Variants in ZNF273 observed in about 807,000 individuals in gnomAD.
ZNF273 encodes zinc finger protein 273, also known as zinc finger protein 9.
A neutral mutation model predicts 14.9 loss-of-function variants in ZNF273; 11 were observed. The ratio of observed to expected loss-of-function variants is 0.74; its 90% confidence interval spans 0.46 to 1.22. The LOEUF (loss-of-function observed/expected upper bound fraction) is 1.22. Ranked by LOEUF, ZNF273 falls within the 50% of genes most tolerant of loss-of-function variation. ZNF273 has a pLI of 0.00. For synonymous variants in ZNF273, 199 were observed against 223.9 expected (o/e 0.89, Z 0.99); for missense variants, 577 against 660.6 (o/e 0.87, Z 1.39).
intron 2 of ZNF273, among the ~76,000 whole-genome samples, chr7:64,879,177 C>T (rs567354774): frequency 5.1e-4 from 77 of 152,290 alleles, no homozygotes; most frequent in African/African-American, 1.7e-3. Flanking sequence ...TACTTCCTCT[C>T]ACCGTGGATG....
Position 64,929,121 on chromosome 7 carries a change from A to G in ZNF273, c.*83A>G. The G allele has an allele frequency of 1.1e-6, 1 of 870,664 alleles. No homozygotes were observed. The highest frequency in any genetic ancestry group is 2.9e-5 in the South Asian group (1 of 34,752). The allele number at this position is 870,664 out of a possible 1,614,324, so 53.9% of individuals were successfully genotyped here. On this transcript the variant is annotated 3_prime_UTR_variant, in exon 4 of 4. Coordinates refer to ENST00000476120, the MANE Select transcript of ZNF273 (RefSeq NM_021148.3). ...ATAATTCATACTGGAGAAAACTCCCAGAAGTGGAGTTTTCCTTATTGCACA... is the reference window on the plus strand; with the variant it reads ...ATAATTCATACTGGAGAAAACTCCCGGAAGTGGAGTTTTCCTTATTGCACA...
At chr7:64,909,584 CTT>C (rs1166304354) in intron 1 of ZNF273, among the ~76,000 whole-genome samples, 2 of 151,684 alleles carry the variant, frequency 1.3e-5, no homozygotes, top group African/African-American at 2.4e-5. Context: ...GCTTCCATGT[CTT>C]TGCTCACAAG....
chr7:64,898,542 G>T (rs1792497315), upstream of ZNF273, among the ~76,000 whole-genome samples: 1 of 152,128 alleles, frequency 6.6e-6, no homozygotes, highest in Admixed American at 6.6e-5. Flanking sequence ...GACTTTCCTG[G>T]AATATATTAT....
chr7:64,886,731 G>A (rs930392259), intron 1 of ZNF273, among the ~76,000 whole-genome samples: 1 of 152,164 alleles, frequency 6.6e-6, no homozygotes, highest in African/African-American at 2.4e-5. Flanking sequence ...AGTTCTCAAC[G>A]CGAAAGGAAC....
intron 1 of ZNF273, among the ~76,000 whole-genome samples, chr7:64,915,196 G>T (rs1200498138): frequency 6.8e-6 from 1 of 146,946 alleles, no homozygotes; most frequent in Non-Finnish European, 1.5e-5. Context: ...ACTTTGTGAT[G>T]TGCAACATTA....
upstream of ZNF273, among the ~76,000 whole-genome samples, chr7:64,901,002 A>AT (rs1488573335): frequency 4.2e-5 from 4 of 95,168 alleles, no homozygotes; most frequent in Non-Finnish European, 9.1e-5. Flanking sequence ...GTATGCCTTT[A>AT]TTTATTTTTT....
At chr7:64,889,856 C>G, downstream of ZNF273, 1 of 749,900 alleles carries the variant, frequency 1.3e-6, no homozygotes, top group Non-Finnish European at 1.6e-6. This position sits in a 1 kb window ranked among gnomAD's most constrained non-coding sequence, Gnocchi z 4.2. Context: ...TGTTTGTCGC[C>G]TGCTGCCTCT....
chr7:64,888,335 G>A, intron 1 of ZNF273: 1 of 985,320 alleles, frequency 1.0e-6, no homozygotes, highest in South Asian at 4.7e-5. Context: ...ACACCTCTGA[G>A]CTCAAATTCC....
chr7:64,927,898 C>A lies in ZNF273; in HGVS notation c.570C>A (p.Phe190Leu), dbSNP rs759921279. 1.1e-5 allele frequency: 17 copies of A among 1,610,482 alleles called. No individual in the cohort carries two copies. Among genetic ancestry groups the A allele is most frequent in the Non-Finnish European group, 5.1e-6 (6 of 1,178,872 alleles). ...CDKYVKVLHKFSNSNIHKKRQ... is the reference protein window; with the variant it reads ...CDKYVKVLHKLSNSNIHKKRQ... ...AATATGTTAAAGTCCTTCATAAATT[C>A]TCAAATTCAAATATACATAAGAAAA... Residue 190 changes from phenylalanine (F) to leucine (L), a missense_variant, in exon 4 of 4, where the codon TTC becomes TTA. Physicochemically the swap from Phe to Leu is conservative, Grantham distance 22 (BLOSUM62 0). This residue lies in a region of ZNF273 where 411 missense variants were observed against 440.4 expected (regional missense o/e 0.93). Transcript: ENST00000476120.
At chr7:64,879,797 C>T (rs569543829), downstream of ZNF273, 2 of 152,376 alleles carry the variant, frequency 1.3e-5, no homozygotes, top group South Asian at 4.1e-4. Context: ...ATCAGAAACG[C>T]AGTTTCCATG....
intron 3 of ZNF273, chr7:64,923,416 C>T (rs116865469): frequency 0.011 from 4,869 of 453,882 alleles, 48 homozygotes; most frequent in Non-Finnish European, 0.015. Flanking sequence ...TCTTGGGTTA[C>T]TGCAACCTCT....
At chr7:64,888,980 A>AGGTTAAT, downstream of ZNF273, 1 of 984,324 alleles carries the variant, frequency 1.0e-6, no homozygotes, top group Non-Finnish European at 1.2e-6. Context: ...GCCGTGGTCA[A>AGGTTAAT]GGTTAATAAG....
chr7:64,936,449 C>CT, the ZNF273 span, among the ~76,000 whole-genome samples: 1 of 152,166 alleles, frequency 6.6e-6, no homozygotes, highest in Non-Finnish European at 1.5e-5. Context: ...AAGGTGAATA[C>CT]TGGGAACTGA....
chr7:64,934,001 C>T (rs903730285), downstream of ZNF273, among the ~76,000 whole-genome samples: 7 of 152,226 alleles, frequency 4.6e-5, no homozygotes, highest in Non-Finnish European at 1.0e-4. Flanking sequence ...GAACTTATTC[C>T]TCTTATTTAA....
chr7:64,889,908 C>T (rs115875054), downstream of ZNF273: 1,574 of 289,754 alleles, frequency 5.4e-3, 18 homozygotes, highest in African/African-American at 0.033. This position sits in a 1 kb window ranked among gnomAD's most constrained non-coding sequence, Gnocchi z 4.2. Context: ...CAAGCCCCCA[C>T]GCCCTCCAGG....
downstream of ZNF273, chr7:64,933,559 C>G (rs1795033746): frequency 6.6e-6 from 1 of 152,044 alleles, no homozygotes; most frequent in Non-Finnish European, 1.5e-5. Flanking sequence ...AAGTAAAAAC[C>G]CTAAAGTACA....
downstream of ZNF273, among the ~76,000 whole-genome samples, chr7:64,883,125 C>T (rs1427909603): frequency 6.6e-6 from 1 of 151,496 alleles, no homozygotes; most frequent in African/African-American, 2.4e-5. Flanking sequence ...GCTTGGGCTG[C>T]GGGGCTCCGC....
At chr7:64,914,977 T>C (rs1277917021) in intron 1 of ZNF273, among the ~76,000 whole-genome samples, 9 of 147,842 alleles carry the variant, frequency 6.1e-5, no homozygotes, top group Non-Finnish European at 1.3e-4. Context: ...CTGTGTCCAC[T>C]CTGCCTCCTG....
chr7:64,908,970 G>T (rs1793297870), intron 1 of ZNF273, among the ~76,000 whole-genome samples: 1 of 152,038 alleles, frequency 6.6e-6, no homozygotes, highest in African/African-American at 2.4e-5. Flanking sequence ...AGTACAGTGG[G>T]GTGATCTTGG....
Sources: gnomAD v4.1 joint callset for allele counts (sites outside exome capture counted in the v4.1 genomes callset) on GRCh38, gnomAD v4.1.1 for gene constraint, gnomAD v4.1.1 regional missense constraint, Gnocchi (gnomAD v3.1) non-coding constraint, MANE v1.5 for transcripts, NCBI Gene and HGNC (gene_info 2026-07-23, HGNC 2026-07-21) for gene names.